The following SPATA25 variants were observed in gnomAD, a reference collection of about 807,000 sequenced individuals.
SPATA25 encodes the protein spermatogenesis-associated protein 25.
Under a neutral mutation model 16.0 loss-of-function variants are expected in SPATA25, and 16 were observed. The observed-to-expected ratio is 1.00, with a 90% CI of 0.68 to 1.52. The LOEUF (loss-of-function observed/expected upper bound fraction) is 1.52. Ranked by LOEUF, SPATA25 falls within the 40% of genes most tolerant of loss-of-function variation. The pLI, the probability that SPATA25 is intolerant of heterozygous loss-of-function variation, is 0.00. For missense variants in SPATA25, 285 were observed against 289.2 expected, an observed-to-expected ratio of 0.99 and a Z score of 0.11; for synonymous variants, 115 against 118.5, an observed-to-expected ratio of 0.97 and a Z score of 0.19.
upstream of SPATA25, chr20:45,890,191 C>G: frequency 6.3e-7 from 1 of 1,599,962 alleles, no homozygotes; most frequent in Non-Finnish European, 8.6e-7. Context: ...GCTACGGAGC[C>G]CTAGTAGATT....
chr20:45,886,740 A>C lies in SPATA25; in HGVS notation c.461T>G (p.Ile154Ser). Residue 154 changes from isoleucine (I) to serine (S), a missense_variant, in exon 2 of 2, where the codon ATC becomes AGC. By Grantham distance (142) the Ile-to-Ser change is moderately radical. Transcript: ENST00000372519. ...AGCGATCATCATGGCGAGGGTGAGG[A>C]TGCAGATATCAGGCTGGGAGCTGGC... Reference protein sequence around the residue: ...KEASSQPDICILTLAMMIAGI... With the variant: ...KEASSQPDICSLTLAMMIAGI... 3 of 1,614,044 alleles carry C rather than the reference A, an allele frequency of 1.9e-6. No individual in the cohort carries two copies. Among genetic ancestry groups the C allele is most frequent in the Non-Finnish European group, 2.5e-6 (3 of 1,180,024 alleles).
At chr20:45,890,558 G>A, upstream of SPATA25, 2 of 1,611,722 alleles carry the variant, frequency 1.2e-6, no homozygotes, top group Non-Finnish European at 1.7e-6. Flanking sequence ...GCGCAGATAT[G>A]GTTCCACGAG....
At chr20:45,888,419 A>G (rs1311116790), upstream of SPATA25, among the ~76,000 whole-genome samples, 1 of 152,226 alleles carries the variant, frequency 6.6e-6, no homozygotes. Context: ...AGAAGCTTTT[A>G]CAAAACACAA....
In SPATA25 at chr20:45,887,620, A is replaced by C. The variant is rs777201089; in HGVS notation, c.-30T>G. 4 of 1,609,270 alleles carry C rather than the reference A, an allele frequency of 2.5e-6. No individual in the cohort carries two copies. Among genetic ancestry groups the C allele is most frequent in the Non-Finnish European group, 3.4e-6 (4 of 1,176,444 alleles). On this transcript the variant is annotated 5_prime_UTR_variant, in exon 1 of 2. It adds an upstream start codon to the 5' untranslated region. Transcript: ENST00000372519. Reference sequence around the variant, plus strand: ...TCCCCAAAGCCCCGGTTTGTGAGGGAATAGTGATCTGCCGCCTGTCCTCCC... The same window carrying C: ...TCCCCAAAGCCCCGGTTTGTGAGGGCATAGTGATCTGCCGCCTGTCCTCCC...
chr20:45,886,764 G>A lies in SPATA25; in HGVS notation c.437C>T (p.Ala146Val), dbSNP rs1986488880. The change falls in exon 2 of 2, where the codon GCC (alanine) becomes GTC (valine). Residue 146 changes from alanine to valine, a missense_variant. Transcript: ENST00000372519. ...GATGCAGATATCAGGCTGGGAGCTG[G>A]CCTCCTTCCCCACTGCCTCAGAGGG... is the stretch of plus-strand genomic sequence containing the variant. ...PVPSEAVGKE[A>V]SSQPDICILT... 6.2e-7 allele frequency: 1 copy of A among 1,613,886 alleles called. No individual in the cohort carries two copies. The highest frequency in any genetic ancestry group is 8.5e-7 in the Non-Finnish European group (1 of 1,180,036).
chr20:45,887,505 C>T, intron 1 of SPATA25, 31 bp downstream of exon 1: 7 of 1,609,242 alleles, frequency 4.3e-6, no homozygotes, highest in Non-Finnish European at 5.1e-6. Flanking sequence ...AGCTGCCGCA[C>T]TCCCTCCAAT....
chr20:45,886,493 C>T lies in SPATA25; in HGVS notation c.*24G>A. 6.5e-7 allele frequency: 1 copy of T among 1,541,834 alleles called. No individual in the cohort carries two copies. Among genetic ancestry groups the T allele is most frequent in the Non-Finnish European group, 8.8e-7 (1 of 1,141,498 alleles). ...AGAACCATACGGAGAAACCACCCTACATATCTGGTGCTATTTCATCCATCT... is the reference window on the plus strand; with the variant it reads ...AGAACCATACGGAGAAACCACCCTATATATCTGGTGCTATTTCATCCATCT... On this transcript the variant is annotated 3_prime_UTR_variant, in exon 2 of 2. Coordinates refer to ENST00000372519, the MANE Select transcript of SPATA25 (RefSeq NM_080608.4).
chr20:45,888,654 G>GT, upstream of SPATA25: 1 of 1,094,756 alleles, frequency 9.1e-7, no homozygotes, highest in Non-Finnish European at 1.3e-6. Flanking sequence ...AGCATCGGCT[G>GT]TTTATTTCTG....
chr20:45,888,913 G>C (rs755300235), upstream of SPATA25: 3 of 1,611,712 alleles, frequency 1.9e-6, no homozygotes, highest in South Asian at 3.3e-5. Flanking sequence ...TGAACTGGAG[G>C]GTGGGTCTGA....
rs1320546506 is a variant in SPATA25 at position 45,886,747 on chromosome 20, T to C, written c.454A>G (p.Ile152Val). 1 of 1,614,046 alleles carries C rather than the reference T, an allele frequency of 6.2e-7. No homozygotes were observed. The highest frequency in any genetic ancestry group is 1.7e-5 in the Admixed American group (1 of 60,018). ...VGKEASSQPD[I>V]CILTLAMMIA... ...ATCATGGCGAGGGTGAGGATGCAGA[T>C]ATCAGGCTGGGAGCTGGCCTCCTTC... The change falls in exon 2 of 2, where the codon ATC becomes GTC. Residue 152 changes from isoleucine (I) to valine (V), a missense_variant. Transcript: ENST00000372519.
chr20:45,889,677 G>C (rs192192930), upstream of SPATA25, among the ~76,000 whole-genome samples: 201 of 149,814 alleles, frequency 1.3e-3, 3 homozygotes, highest in Admixed American at 9.7e-3. Flanking sequence ...GCACTGGTGA[G>C]ATCTCGGCTC....
upstream of SPATA25, chr20:45,888,937 A>G (rs921085128): frequency 2.5e-6 from 4 of 1,599,304 alleles, no homozygotes; most frequent in African/African-American, 2.7e-5. Flanking sequence ...CAAGATCCAG[A>G]AGGTCTAGGT....
intron 1 of SPATA25, 27 bp from the exon 2 acceptor site, chr20:45,887,172 G>A (rs779549276): frequency 7.7e-6 from 12 of 1,555,824 alleles, no homozygotes; most frequent in East Asian, 2.3e-5. Context: ...GAAATGGAAC[G>A]TTATTCTCAG....
intron 1 of SPATA25, 53 bp from the exon 2 acceptor site, chr20:45,887,198 G>A (rs1476499064): frequency 5.2e-6 from 8 of 1,531,536 alleles, no homozygotes; most frequent in Non-Finnish European, 6.1e-6. Context: ...TGAGGAGGGG[G>A]CCCTGAGGGG....
In SPATA25 at chr20:45,887,534, AC is replaced by A. The variant is rs771479508; in HGVS notation, c.55+1del. ...CTCCAATTGCAGGTGCCCCCCGCTCACCTTGGCCGGAAGGCAGAGGACCTGG... is the reference window on the plus strand; with the variant it reads ...CTCCAATTGCAGGTGCCCCCCGCTCACTTGGCCGGAAGGCAGAGGACCTGG... On this transcript the variant is annotated splice_donor_variant, in intron 1 of 1. Coordinates refer to ENST00000372519, the MANE Select transcript of SPATA25 (RefSeq NM_080608.4). LOFTEE classifies it high-confidence loss of function. 3.7e-6 allele frequency: 6 copies of A among 1,613,344 alleles called. No individual in the cohort carries two copies. Among genetic ancestry groups the A allele is most frequent in the South Asian group, 3.3e-5 (3 of 90,890 alleles).
At chr20:45,889,702 C>T (rs1179715413), upstream of SPATA25, among the ~76,000 whole-genome samples, 1 of 149,710 alleles carries the variant, frequency 6.7e-6, no homozygotes, top group Non-Finnish European at 1.5e-5. Context: ...CAACCTCCAC[C>T]TCTCGGGTTC....
upstream of SPATA25, chr20:45,890,360 T>C: frequency 6.2e-7 from 1 of 1,612,948 alleles, no homozygotes; most frequent in Non-Finnish European, 8.5e-7. Flanking sequence ...GCCCATGTCC[T>C]CGCCGTTGAT....
upstream of SPATA25, among the ~76,000 whole-genome samples, chr20:45,889,597 TTC>T (rs1356726639): frequency 7.1e-6 from 1 of 140,536 alleles, no homozygotes; most frequent in Non-Finnish European, 1.5e-5. Context: ...CTTGCTTGCT[TTC>T]TCTCTCTTCC....
chr20:45,889,608 CCTCT>C (rs199785991), upstream of SPATA25, among the ~76,000 whole-genome samples: 1 of 117,944 alleles, frequency 8.5e-6, no homozygotes. Context: ...TCTCTCTCTT[CCTCT>C]CTCTCTCTCT....
Sources: allele counts gnomAD v4.1 joint callset (sites outside exome capture counted in the v4.1 genomes callset), GRCh38; gene constraint gnomAD v4.1.1; transcripts MANE v1.5; gene names NCBI Gene and HGNC (gene_info 2026-07-23, HGNC 2026-07-21).